The following MACF1 variants were observed in gnomAD, a reference collection of about 807,000 sequenced individuals.
MACF1 encodes the protein microtubule-actin cross-linking factor 1.
MACF1 carries 193 observed loss-of-function variants against 854.8 expected under a neutral mutation model. The observed-to-expected ratio is 0.23, with a 90% CI of 0.20 to 0.25. The LOEUF (loss-of-function observed/expected upper bound fraction) is 0.25. Ranked by LOEUF, MACF1 falls within the 10% of genes least tolerant of loss-of-function variation. The pLI is 1.00. For synonymous variants in MACF1, 3,185 were observed against 3,226.7 expected (o/e 0.99, Z 0.44); for missense variants, 7,722 against 8,929.1 (o/e 0.86, Z 5.45).
chr1:39,449,406 T>G (rs997850478), intron 84 of MACF1, among the ~76,000 whole-genome samples: 4 of 151,676 alleles, frequency 2.6e-5, no homozygotes, highest in African/African-American at 9.8e-5. Context: ...CTTTTTTTTG[T>G]TTGTTTGTTT....
chr1:39,140,177 A>G (rs1324915699), intron 2 of MACF1, among the ~76,000 whole-genome samples: 1 of 151,284 alleles, frequency 6.6e-6, no homozygotes, highest in Non-Finnish European at 1.5e-5. Context: ...CTGGTCTTGA[A>G]CTCCTGACCT....
Position 39,357,621 on chromosome 1 carries a change from A to G in MACF1, c.11671A>G (p.Ser3891Gly). Residue 3891 changes from serine to glycine, a missense_variant, in exon 45 of 101, where the codon AGC (serine) becomes GGC (glycine). Physicochemically the swap from Ser to Gly is moderately conservative, Grantham distance 56 (BLOSUM62 0). Around this residue, in one of 15 missense-constraint regions of MACF1, gnomAD observed 2,807 missense variants for 3,235.8 expected, o/e 0.87. Coordinates refer to ENST00000564288, the MANE Select transcript of MACF1 (RefSeq NM_001394062.1). ...KFLQDHKEFESWLERSEKELE... is the reference protein window; with the variant it reads ...KFLQDHKEFEGWLERSEKELE... Reference sequence around the variant, plus strand: ...TCTGCAGGATCATAAAGAGTTTGAAAGCTGGTTGGAACGATCCGAGAAAGA... The same window carrying G: ...TCTGCAGGATCATAAAGAGTTTGAAGGCTGGTTGGAACGATCCGAGAAAGA... 2 of 1,614,176 alleles carry G rather than the reference A, an allele frequency of 1.2e-6. No homozygotes were observed. The highest frequency in any genetic ancestry group is 1.7e-6 in the Non-Finnish European group (2 of 1,180,032).
chr1:39,401,937 C>T (rs906883515), intron 58 of MACF1, among the ~76,000 whole-genome samples: 1 of 152,192 alleles, frequency 6.6e-6, no homozygotes, highest in Admixed American at 6.5e-5. Context: ...AGGGGCTGGA[C>T]GCAGTGGCTC....
At chr1:39,468,785 A>G in intron 96 of MACF1, 53 bp downstream of exon 96, 1 of 1,470,622 alleles carries the variant, frequency 6.8e-7, no homozygotes, top group Non-Finnish European at 9.5e-7. Context: ...CCCAGCAGTG[A>G]TCTTTTATGC....
chr1:39,291,228 C>G (rs1029539981), intron 15 of MACF1, among the ~76,000 whole-genome samples: 1 of 151,594 alleles, frequency 6.6e-6, no homozygotes, highest in African/African-American at 2.4e-5. Flanking sequence ...CCACCTGCCT[C>G]AGCCCCCCAA....
chr1:39,423,508 G>T (rs150056018), intron 60 of MACF1, among the ~76,000 whole-genome samples: 1 of 151,636 alleles, frequency 6.6e-6, no homozygotes. Flanking sequence ...GGTGGTGGGC[G>T]CCTGTAGTCC....
intron 97 of MACF1, among the ~76,000 whole-genome samples, chr1:39,476,337 G>A (rs547571267): frequency 4.6e-5 from 7 of 152,246 alleles, no homozygotes; most frequent in South Asian, 2.1e-4. Flanking sequence ...TTGGGAGGCC[G>A]AGGCGGGCAG....
chr1:39,280,360 T>C (rs1645519527), intron 6 of MACF1, among the ~76,000 whole-genome samples: 1 of 152,150 alleles, frequency 6.6e-6, no homozygotes, highest in Admixed American at 6.5e-5. Context: ...GATCAATGAT[T>C]CTCAGATTTG....
intron 95 of MACF1, chr1:39,467,999 T>TAA (rs953282775): frequency 3.3e-5 from 5 of 152,198 alleles, no homozygotes; most frequent in African/African-American, 7.2e-5. Flanking sequence ...GAATCTCTTT[T>TAA]AAAAAAATAA....
chr1:39,313,265 ATGT>A (rs944857648), intron 26 of MACF1, among the ~76,000 whole-genome samples: 14 of 152,184 alleles, frequency 9.2e-5, no homozygotes, highest in African/African-American at 3.4e-4. Context: ...ATTACTGGTG[ATGT>A]TAATTTTCAT....
chr1:39,234,318 C>T (rs1161598062), intron 2 of MACF1, among the ~76,000 whole-genome samples: 5 of 151,678 alleles, frequency 3.3e-5, no homozygotes, highest in African/African-American at 7.3e-5. Context: ...ACCTCCCAGA[C>T]GGGGTGGTGG....
At chr1:39,440,173 C>T (rs1410628978) in intron 72 of MACF1, among the ~76,000 whole-genome samples, 1 of 132,208 alleles carries the variant, frequency 7.6e-6, no homozygotes, top group African/African-American at 3.0e-5. Flanking sequence ...ATTGCAGTGG[C>T]ATGATCTTGG....
chr1:39,455,560 G>A (rs1485150605), intron 89 of MACF1, among the ~76,000 whole-genome samples: 3 of 152,200 alleles, frequency 2.0e-5, no homozygotes, highest in Non-Finnish European at 4.4e-5. Flanking sequence ...AGAATGAAAT[G>A]TAATTAAGGG....
intron 58 of MACF1, among the ~76,000 whole-genome samples, chr1:39,389,605 C>T (rs538709835): frequency 6.6e-6 from 1 of 152,070 alleles, no homozygotes; most frequent in South Asian, 2.1e-4. Flanking sequence ...AGTGATCCAC[C>T]CGCCCTAGCC....
At position 39,430,777 on chromosome 1, in the gene MACF1, C is replaced by G. The variant is rs1267332292; in HGVS notation, c.17206C>G (p.Leu5736Val). 1 of 1,612,274 alleles carries G rather than the reference C, an allele frequency of 6.2e-7. No individual in the cohort carries two copies. Among genetic ancestry groups the G allele is most frequent in the African/African-American group, 1.3e-5 (1 of 74,870 alleles). ...TGAGGTGAGCCGTGCTCTCTTAGAG[C>G]TGGTGCCCTGGAGAGCCAGAGAAGG... Reference protein sequence around the residue: ...VNEVSRALLELVPWRAREGLD... With the variant: ...VNEVSRALLEVVPWRAREGLD... The change falls in exon 66 of 101, where the codon CTG (leucine) becomes GTG (valine). Residue 5736 changes from leucine to valine, a missense_variant. Leu to Val is a conservative substitution (Grantham distance 32). Coordinates refer to ENST00000564288, the MANE Select transcript of MACF1 (RefSeq NM_001394062.1).
At chr1:39,319,815 T>C in intron 31 of MACF1, 68 bp downstream of exon 31, 1 of 1,124,282 alleles carries the variant, frequency 8.9e-7, no homozygotes, top group East Asian at 2.4e-5. Flanking sequence ...ATCTTCACTG[T>C]AGGTTCTGTT....
In MACF1 at chr1:39,084,687, T is replaced by C. The variant is rs1403491229; in HGVS notation, c.220+249T>C. Among the ~76,000 whole-genome samples, 1 of 152,240 alleles carries C rather than the reference T, an allele frequency of 6.6e-6. No homozygotes were observed. The highest frequency in any genetic ancestry group is 6.5e-5 in the Admixed American group (1 of 15,284). On this transcript the variant is annotated intron_variant, in intron 2 of 93. Coordinates refer to the MACF1 transcript ENST00000361689. This position sits in a 1 kb window ranked among gnomAD's most constrained non-coding sequence, Gnocchi z 5.2. Reference sequence around the variant, plus strand: ...ATTTCTGCACCTTCTTCCCTGTCTTTGTCCCCATTCAGTTATATTTTCTAT... The same window carrying C: ...ATTTCTGCACCTTCTTCCCTGTCTTCGTCCCCATTCAGTTATATTTTCTAT...
At chr1:39,309,826 A>G (rs1362800626) in intron 24 of MACF1, 130 bp downstream of exon 24, 3 of 939,596 alleles carry the variant, frequency 3.2e-6, no homozygotes, top group Non-Finnish European at 4.7e-6. Context: ...ACCATTTTAG[A>G]GTTCGAGACC....
rs1453777437 is a variant in MACF1, at chr1:39,315,704, A to G, written c.3449+13A>G. 3 of 1,611,680 alleles carry G rather than the reference A, an allele frequency of 1.9e-6. No homozygotes were observed. The African/African-American group carries it at 4.0e-5, about 22-fold the overall frequency. On this transcript the variant is annotated intron_variant, in intron 27 of 100. Coordinates refer to ENST00000564288, the MANE Select transcript of MACF1 (RefSeq NM_001394062.1). ...TATATCTGAATAAGTGAGTGAGCTG[A>G]GGTTTTGGGTCCAAGAGCAATATTT...
Sources: gnomAD v4.1 joint callset for allele counts (sites outside exome capture counted in the v4.1 genomes callset) on GRCh38, gnomAD v4.1.1 for gene constraint, gnomAD v4.1.1 regional missense constraint, Gnocchi (gnomAD v3.1) non-coding constraint, MANE v1.5 for transcripts, NCBI Gene and HGNC (gene_info 2026-07-23, HGNC 2026-07-21) for gene names.